The following MYOM2 variants were observed in gnomAD, a reference collection of about 807,000 sequenced individuals.
MYOM2 encodes the protein myomesin-2.
A neutral mutation model predicts 187.6 loss-of-function variants in MYOM2; 254 were observed. The observed-to-expected ratio is 1.35, with a 90% CI of 1.22 to 1.50. The LOEUF is 1.50. MYOM2 is among the 40% of genes most tolerant of loss of function. The pLI is 0.00. For missense variants in MYOM2, 2,796 were observed against 1,924.0 expected, an observed-to-expected ratio of 1.45 and a Z score of -8.48; for synonymous variants, 981 against 753.8, an observed-to-expected ratio of 1.30 and a Z score of -4.94.
intron 18 of MYOM2, among the ~76,000 whole-genome samples, chr8:2,098,267 C>T (rs530064854): frequency 2.6e-5 from 4 of 152,270 alleles, no homozygotes; most frequent in African/African-American, 4.8e-5. Flanking sequence ...AGTCGAGGCT[C>T]GTAGTGTTGG....
Position 2,057,616 on chromosome 8 carries a change from G to A in MYOM2, c.403-7G>A, listed in dbSNP as rs777614031. The A allele has an allele frequency of 1.7e-5, 28 of 1,613,784 alleles. No individual in the cohort carries two copies. The East Asian group carries it at 2.7e-4, about 15-fold the overall frequency. ...GGGAACCTGACCATCCTTGCTTCTCGGGGCAGATGGAGGACAAGCTGGCCT... is the reference window on the plus strand; with the variant it reads ...GGGAACCTGACCATCCTTGCTTCTCAGGGCAGATGGAGGACAAGCTGGCCT... On this transcript the variant is annotated splice_polypyrimidine_tract_variant and splice_region_variant and intron_variant, in intron 4 of 36. Coordinates refer to ENST00000262113, the MANE Select transcript of MYOM2 (RefSeq NM_003970.4).
At chr8:2,050,341 C>T (rs1271541457) in intron 1 of MYOM2, among the ~76,000 whole-genome samples, 2 of 152,198 alleles carry the variant, frequency 1.3e-5, no homozygotes, top group African/African-American at 2.4e-5. Context: ...CACCTTCTAC[C>T]TGCCCCGGGC....
At chr8:2,108,498 C>G (rs1012156216) in intron 23 of MYOM2, among the ~76,000 whole-genome samples, 1 of 152,108 alleles carries the variant, frequency 6.6e-6, no homozygotes, top group Non-Finnish European at 1.5e-5. Flanking sequence ...CTTTCGTCTT[C>G]CAAGTCTTCC....
At chr8:2,128,632 C>G (rs569532172) in intron 31 of MYOM2, among the ~76,000 whole-genome samples, 1 of 152,140 alleles carries the variant, frequency 6.6e-6, no homozygotes, top group African/African-American at 2.4e-5. Context: ...CTTATTGCCC[C>G]TGGGGTTTCT....
Position 2,065,790 on chromosome 8 carries a change from C to T in MYOM2, c.654-3488C>T, listed in dbSNP as rs368231198. ...GTAGGAGAAGCTCTGCCTGAGGCCC[C>T]GGTACCCATGAGTTAAGTGGCTGCG... On this transcript the variant is annotated intron_variant, in intron 6 of 36. Transcript: ENST00000262113. Among the ~76,000 whole-genome samples, 72 of 152,272 alleles carry T rather than the reference C, an allele frequency of 4.7e-4. 1 individual carries two copies. The East Asian group carries it at 7.1e-3, about 15-fold the overall frequency.
At chr8:2,077,257 C>A (rs1311407931) in intron 11 of MYOM2, among the ~76,000 whole-genome samples, 1 of 151,870 alleles carries the variant, frequency 6.6e-6, no homozygotes, top group Non-Finnish European at 1.5e-5. Flanking sequence ...TTGCAGTGAG[C>A]CAAGATTGCG....
intron 11 of MYOM2, among the ~76,000 whole-genome samples, chr8:2,077,926 G>A (rs916304758): frequency 6.6e-6 from 1 of 152,138 alleles, no homozygotes; most frequent in Admixed American, 6.6e-5. Flanking sequence ...GGCTAAAACA[G>A]CCCATGACAT....
intron 28 of MYOM2, among the ~76,000 whole-genome samples, chr8:2,122,610 A>AAC (rs1401542495): frequency 6.6e-6 from 1 of 152,254 alleles, no homozygotes; most frequent in Non-Finnish European, 1.5e-5. Context: ...AGACTTGTAT[A>AAC]ATCTCATGGG....
chr8:2,108,687 TG>T, intron 23 of MYOM2, 98 bp from the exon 24 acceptor site: 1 of 1,128,030 alleles, frequency 8.9e-7, no homozygotes, highest in Non-Finnish European at 1.3e-6. Context: ...AATTAAATCC[TG>T]GGGGTTTCCA....
chr8:2,056,529 C>G (rs1054723149), intron 3 of MYOM2, among the ~76,000 whole-genome samples: 1 of 151,904 alleles, frequency 6.6e-6, no homozygotes, highest in African/African-American at 2.4e-5. Flanking sequence ...TTTCTGAGTC[C>G]CTAAGGACTG....
chr8:2,053,086 C>A (rs1180039457), intron 3 of MYOM2, among the ~76,000 whole-genome samples: 1 of 152,256 alleles, frequency 6.6e-6, no homozygotes, highest in Admixed American at 6.5e-5. Flanking sequence ...CCTCATCTCC[C>A]CCTGCTACTT....
At chr8:2,107,161 T>A (rs1796920285) in intron 23 of MYOM2, among the ~76,000 whole-genome samples, 1 of 152,144 alleles carries the variant, frequency 6.6e-6, no homozygotes, top group South Asian at 2.1e-4. Flanking sequence ...CACAGTCTCA[T>A]GCAGGCAGGG....
chr8:2,113,284 G>A (rs773785063), intron 25 of MYOM2, among the ~76,000 whole-genome samples: 3 of 152,324 alleles, frequency 2.0e-5, no homozygotes, highest in East Asian at 1.9e-4. Context: ...TCCTTCTACC[G>A]TCAAGACCCT....
At position 2,103,403 on chromosome 8, in the gene MYOM2, G is replaced by A. The variant is rs200987925; in HGVS notation, c.2734+622G>A. ...GTGGGAGAGCGTGCATGTGTTATGT[G>A]TTTATGTGTATGTATGTATAGGTAT... On this transcript the variant is annotated intron_variant, in intron 21 of 36. Coordinates refer to ENST00000262113, the MANE Select transcript of MYOM2 (RefSeq NM_003970.4). 3.3e-5 allele frequency among the ~76,000 whole-genome samples: 5 copies of A among 150,244 alleles called. No individual in the cohort carries two copies. The East Asian group carries it at 1.0e-3, about 30-fold the overall frequency.
intron 2 of MYOM2, 111 bp from the exon 3 acceptor site, chr8:2,052,047 T>C: frequency 7.4e-7 from 1 of 1,344,600 alleles, no homozygotes; most frequent in South Asian, 1.3e-5. Context: ...TTGTGTGTGC[T>C]CTGCATATAC....
At chr8:2,125,578 G>A (rs1797605923) in intron 31 of MYOM2, among the ~76,000 whole-genome samples, 1 of 145,146 alleles carries the variant, frequency 6.9e-6, no homozygotes, top group South Asian at 2.2e-4. Flanking sequence ...TTTCCTAGTT[G>A]CATACGACTT....
chr8:2,136,768 A>G (rs565150395), intron 32 of MYOM2, among the ~76,000 whole-genome samples: 13 of 152,330 alleles, frequency 8.5e-5, no homozygotes, highest in Admixed American at 7.8e-4. Flanking sequence ...ACCTATATCA[A>G]AATAAAATTA....
chr8:2,051,862 G>T (rs1342372775), intron 2 of MYOM2, among the ~76,000 whole-genome samples: 1 of 152,156 alleles, frequency 6.6e-6, no homozygotes, highest in African/African-American at 2.4e-5. Flanking sequence ...ATGTGTGCAC[G>T]CGCTGTGTGT....
intron 9 of MYOM2, among the ~76,000 whole-genome samples, chr8:2,073,027 C>T (rs1232372753): frequency 3.3e-5 from 5 of 152,184 alleles, no homozygotes; most frequent in African/African-American, 1.2e-4. Flanking sequence ...GGGGCAGTGG[C>T]CGTCCAGCAG....
Sources: allele counts gnomAD v4.1 joint callset (sites outside exome capture counted in the v4.1 genomes callset), GRCh38; gene constraint gnomAD v4.1.1; transcripts MANE v1.5; gene names NCBI Gene and HGNC (gene_info 2026-07-23, HGNC 2026-07-21).